The following PIGS variants were observed in gnomAD, a reference collection of about 807,000 sequenced individuals.
PIGS encodes the protein GPI-anchor transamidase component PIGS.
Under a neutral mutation model 58.2 loss-of-function variants are expected in PIGS, and 37 were observed. The observed-to-expected ratio is 0.64, with a 90% CI of 0.49 to 0.84. The LOEUF is 0.84. Ranked by LOEUF, PIGS falls within the 40% of genes least tolerant of loss-of-function variation. PIGS has a pLI of 0.00. For synonymous variants in PIGS, 269 were observed against 289.2 expected, an observed-to-expected ratio of 0.93 and a Z score of 0.71; for missense variants, 629 against 710.8, an observed-to-expected ratio of 0.88 and a Z score of 1.31.
At chr17:28,563,292 C>CA (rs367711574) in intron 5 of PIGS, 139 bp downstream of exon 5, 45,197 of 502,744 alleles carry the variant, frequency 0.09, no homozygotes, top group East Asian at 0.11. Context: ...GACTCCGTCT[C>CA]AAAAAAAAAA....
In PIGS at chr17:28,556,189, C is replaced by T. The variant is rs1238319567; in HGVS notation, c.1158G>A (p.Met386Ile). 1 of 1,613,762 alleles carries T rather than the reference C, an allele frequency of 6.2e-7. No homozygotes were observed. Among genetic ancestry groups the T allele is most frequent in the African/African-American group, 1.3e-5 (1 of 74,902 alleles). The change falls in exon 10 of 12, where the codon ATG becomes ATA. Residue 386 changes from methionine to isoleucine, a missense_variant. By Grantham distance (10) the Met-to-Ile change is conservative (BLOSUM62 1). Coordinates refer to ENST00000308360, the MANE Select transcript of PIGS (RefSeq NM_033198.4). Reference sequence around the variant, plus strand: ...ACCGCAACTGTGCCAGGAACACCTCCATCACTCGCACCATGTCCACCTCGA... The same window carrying T: ...ACCGCAACTGTGCCAGGAACACCTCTATCACTCGCACCATGTCCACCTCGA... ...VRVEVDMVRV[M>I]EVFLAQLRLL...
intron 3 of PIGS, among the ~76,000 whole-genome samples, chr17:28,567,943 G>A (rs868102677): frequency 3.3e-5 from 5 of 152,040 alleles, no homozygotes; most frequent in Admixed American, 6.5e-5. Context: ...CTATTCCCTC[G>A]CCTTTTAGGT....
intron 10 of PIGS, 120 bp from the exon 11 acceptor site, chr17:28,555,181 G>A: frequency 2.0e-6 from 2 of 1,017,462 alleles, no homozygotes; most frequent in South Asian, 1.6e-5. Context: ...GAACCATAGG[G>A]GTTAAAGGGA....
At position 28,563,717 on chromosome 17, in the gene PIGS, G is replaced by C. The variant is rs2151513577; in HGVS notation, c.376+101C>G. ...GTTCCTCATTCCCAGCATTCCAAGAGAGGTTTTGGAAGTAAGCCAAAGCAT... is the reference window on the plus strand; with the variant it reads ...GTTCCTCATTCCCAGCATTCCAAGACAGGTTTTGGAAGTAAGCCAAAGCAT... On this transcript the variant is annotated intron_variant, in intron 4 of 11. Coordinates refer to ENST00000308360, the MANE Select transcript of PIGS (RefSeq NM_033198.4). 2.2e-6 allele frequency: 3 copies of C among 1,334,312 alleles called. No homozygotes were observed. The East Asian group carries it at 6.9e-5, about 31-fold the overall frequency. The allele number at this position is 1,334,312 out of a possible 1,614,324, so 82.7% of individuals were successfully genotyped here.
intron 7 of PIGS, 145 bp from the exon 8 acceptor site, chr17:28,558,735 A>C (rs1450443776): frequency 1.6e-6 from 1 of 641,598 alleles, no homozygotes; most frequent in East Asian, 2.8e-5. Flanking sequence ...AAATAATTGC[A>C]GAAGAAAATA....
chr17:28,564,171 A>G (rs1372708202), intron 3 of PIGS, among the ~76,000 whole-genome samples: 1 of 152,216 alleles, frequency 6.6e-6, no homozygotes, highest in Non-Finnish European at 1.5e-5. Flanking sequence ...TGGGAAATCT[A>G]TTTCAATAGT....
rs2070364988 is a variant in PIGS at position 28,561,592 on chromosome 17, A to G, written c.506T>C (p.Val169Ala). The G allele has an allele frequency of 1.2e-6, 2 of 1,613,614 alleles. No individual in the cohort carries two copies. Among genetic ancestry groups the G allele is most frequent in the Admixed American group, 1.7e-5 (1 of 59,956 alleles). Residue 169 changes from valine to alanine, a missense_variant, in exon 6 of 12, where the codon GTG (valine) becomes GCG (alanine). Physicochemically the swap from Val to Ala is moderately conservative, Grantham distance 64 (BLOSUM62 0). Transcript: ENST00000308360. ...MSYIGPKRTA[V>A]VRGIMHREAF... ...CTCCCGGTGCATTATCCCCCGCACC[A>G]CTGCTGTCCTCTTGGGCCCAATGTA...
intron 8 of PIGS, 25 bp downstream of exon 8, chr17:28,558,451 A>G: frequency 6.4e-7 from 1 of 1,568,586 alleles, no homozygotes; most frequent in Non-Finnish European, 8.7e-7. Flanking sequence ...GCAGAAAAGA[A>G]AGACCCTCAT....
At chr17:28,556,061 A>T in intron 10 of PIGS, 105 bp downstream of exon 10, 1 of 1,056,562 alleles carries the variant, frequency 9.5e-7, no homozygotes. Flanking sequence ...CTGGGGCTCT[A>T]GGCACAGCCA....
chr17:28,566,031 A>AAAAT (rs559268334), intron 3 of PIGS, among the ~76,000 whole-genome samples: 145 of 152,030 alleles, frequency 9.5e-4, no homozygotes, highest in Middle Eastern at 3.4e-3. Flanking sequence ...ACTCTGTCTC[A>AAAAT]AAATAAATAA....
chr17:28,563,786 C>T (rs1329482409), intron 4 of PIGS, 32 bp downstream of exon 4: 1 of 1,576,950 alleles, frequency 6.3e-7, no homozygotes. Context: ...GAGGGCTTCA[C>T]ATTAAAATGG....
At chr17:28,570,528 TAAAC>T (rs759810921) in intron 3 of PIGS, among the ~76,000 whole-genome samples, 21 of 152,222 alleles carry the variant, frequency 1.4e-4, no homozygotes, top group Non-Finnish European at 2.8e-4. Context: ...AATAAATAAA[TAAAC>T]AAACAAACTA....
chr17:28,561,926 A>G (rs1036268579), intron 5 of PIGS: 27 of 309,586 alleles, frequency 8.7e-5, no homozygotes, highest in African/African-American at 5.4e-4. Context: ...GAGCAAGAAA[A>G]GCGGAATAAA....
chr17:28,555,764 T>G, intron 10 of PIGS: 2 of 190,680 alleles, frequency 1.0e-5, no homozygotes, highest in Admixed American at 5.5e-5. Flanking sequence ...AGGTCAGGAG[T>G]TCAAGACCAG....
In PIGS at chr17:28,558,585, A is replaced by G; in HGVS notation, c.825T>C (p.Leu275=). 3 of 1,606,962 alleles carry G rather than the reference A, an allele frequency of 1.9e-6. No individual in the cohort carries two copies. The highest frequency in any genetic ancestry group is 2.6e-6 in the Non-Finnish European group (3 of 1,175,770). Reference sequence around the variant, plus strand: ...GATTCACCCCCAACATTGCATAGTAAAGAATCTGTAGAGCAAACAGGGAGT... The same window carrying G: ...GATTCACCCCCAACATTGCATAGTAGAGAATCTGTAGAGCAAACAGGGAGT... The part of the protein sequence containing the change: ...AGNFSVDSQI[L]YYAMLGVNPR... Residue 275 remains leucine (L), a synonymous_variant, in exon 8 of 12, where the codon CTT becomes CTC. Coordinates refer to ENST00000308360, the MANE Select transcript of PIGS (RefSeq NM_033198.4).
intron 11 of PIGS, 58 bp from the exon 12 acceptor site, chr17:28,554,553 G>A: frequency 1.9e-6 from 3 of 1,564,058 alleles, no homozygotes; most frequent in Admixed American, 1.7e-5. Flanking sequence ...TGGTGGAAAG[G>A]GTGCTGGGCC....
At chr17:28,569,080 AG>A (rs2070411240) in intron 3 of PIGS, among the ~76,000 whole-genome samples, 5 of 149,848 alleles carry the variant, frequency 3.3e-5, no homozygotes, top group South Asian at 4.2e-4. Context: ...CTGGGCAACA[AG>A]AGCGAAACTC....
chr17:28,555,287 A>G (rs1285755756), intron 10 of PIGS: 4 of 518,076 alleles, frequency 7.7e-6, no homozygotes, highest in African/African-American at 6.0e-5. Context: ...CTGTTTCTAC[A>G]TTAGATTTCC....
chr17:28,560,035 G>C lies in PIGS; in HGVS notation c.819+14C>G, dbSNP rs1425880091. ...GACATTGAAAAGGACTCCTCAACTT[G>C]CTCCCGGTCTCACCTGAGAGTCCAC... On this transcript the variant is annotated intron_variant, in intron 7 of 11. Coordinates refer to ENST00000308360, the MANE Select transcript of PIGS (RefSeq NM_033198.4). The C allele has an allele frequency of 4.4e-6, 7 of 1,593,686 alleles. No individual in the cohort carries two copies. In the East Asian group the frequency reaches 1.3e-4, roughly 31 times the overall value.
Sources: gnomAD v4.1 joint callset for allele counts (sites outside exome capture counted in the v4.1 genomes callset) on GRCh38, gnomAD v4.1.1 for gene constraint, MANE v1.5 for transcripts, NCBI Gene and HGNC (gene_info 2026-07-23, HGNC 2026-07-21) for gene names.